The following XRCC4 variants were observed in gnomAD, a reference collection of about 807,000 sequenced individuals.
The protein encoded by XRCC4 is DNA repair protein XRCC4.
In XRCC4, 28 loss-of-function variants were observed where a neutral mutation model predicts 39.1. The ratio of observed to expected loss-of-function variants is 0.72; its 90% CI spans 0.53 to 0.98. XRCC4 has a LOEUF of 0.98. XRCC4 is among the 50% of genes least tolerant of loss of function. XRCC4 has a pLI of 0.00. For synonymous variants in XRCC4, 123 were observed against 126.4 expected, an observed-to-expected ratio of 0.97 and a Z score of 0.18; for missense variants, 350 against 376.4, an observed-to-expected ratio of 0.93 and a Z score of 0.58.
chr5:83,211,534 C>T (rs1340340403), intron 6 of XRCC4, among the ~76,000 whole-genome samples: 1 of 152,146 alleles, frequency 6.6e-6, no homozygotes, highest in African/African-American at 2.4e-5. Flanking sequence ...TTTTACAGTT[C>T]TGGCCTAACC....
intron 3 of XRCC4, among the ~76,000 whole-genome samples, chr5:83,135,276 C>T (rs1747838270): frequency 6.6e-6 from 1 of 152,122 alleles, no homozygotes; most frequent in Non-Finnish European, 1.5e-5. Flanking sequence ...ATTGGAAATG[C>T]AGAAATCACC....
At chr5:83,243,189 C>T (rs1752978955) in intron 6 of XRCC4, among the ~76,000 whole-genome samples, 1 of 152,106 alleles carries the variant, frequency 6.6e-6, no homozygotes, top group Non-Finnish European at 1.5e-5. Flanking sequence ...GAAGTGATGA[C>T]ATCAAGTTAG....
the XRCC4 span, among the ~76,000 whole-genome samples, chr5:83,361,589 G>T: frequency 6.6e-6 from 1 of 151,010 alleles, no homozygotes; most frequent in Non-Finnish European, 1.5e-5. Flanking sequence ...ATTTATATTT[G>T]ATTTTTACCA....
chr5:83,318,137 T>C (rs1198951242), intron 7 of XRCC4, among the ~76,000 whole-genome samples: 4 of 145,992 alleles, frequency 2.7e-5, no homozygotes, highest in African/African-American at 1.1e-4. Flanking sequence ...AGAAAAAGCC[T>C]TTGACAAAAT....
In XRCC4 at chr5:83,315,869, G is replaced by A. The variant is rs183387715; in HGVS notation, c.894-37262G>A. Among the ~76,000 whole-genome samples the A allele has an allele frequency of 8.5e-5, 13 of 152,212 alleles. No homozygotes were observed. In the East Asian group the frequency reaches 1.9e-3, roughly 23 times the overall value. ...GCTAACACAACATTCATTTTGCAGC[G>A]ATAGATGAATGAGTAATTTTGACTT... On this transcript the variant is annotated intron_variant, in intron 7 of 7. Coordinates refer to ENST00000396027, the MANE Select transcript of XRCC4 (RefSeq NM_003401.5).
chr5:83,264,843 A>G (rs1753898996), intron 7 of XRCC4, among the ~76,000 whole-genome samples: 1 of 152,172 alleles, frequency 6.6e-6, no homozygotes, highest in Non-Finnish European at 1.5e-5. Context: ...GTAATACTTT[A>G]TATATAGAGA....
intron 4 of XRCC4, among the ~76,000 whole-genome samples, chr5:83,201,041 T>C (rs1320007619): frequency 6.6e-6 from 1 of 152,204 alleles, no homozygotes; most frequent in African/African-American, 2.4e-5. Flanking sequence ...TACTGTTAGA[T>C]TGATATTATT....
intron 7 of XRCC4, among the ~76,000 whole-genome samples, chr5:83,343,901 G>A (rs1246700427): frequency 1.3e-5 from 2 of 151,894 alleles, no homozygotes; most frequent in African/African-American, 4.8e-5. Context: ...TATCCTTCAG[G>A]CACTCAGACT....
At chr5:83,093,479 G>A (rs1490779037) in intron 1 of XRCC4, among the ~76,000 whole-genome samples, 7 of 152,146 alleles carry the variant, frequency 4.6e-5, no homozygotes, top group African/African-American at 7.2e-5. Flanking sequence ...CATATACAGA[G>A]TATTCCATCT....
intron 7 of XRCC4, among the ~76,000 whole-genome samples, chr5:83,349,986 C>T (rs1757032069): frequency 1.3e-5 from 2 of 152,136 alleles, no homozygotes; most frequent in South Asian, 4.1e-4. Context: ...CAATGTTTAG[C>T]TCTCACTTAT....
chr5:83,148,504 C>T lies in XRCC4; in HGVS notation c.315+37301C>T, dbSNP rs1212403544. On this transcript the variant is annotated intron_variant, in intron 3 of 7. Coordinates refer to ENST00000396027, the MANE Select transcript of XRCC4 (RefSeq NM_003401.5). ...GGTGGACTTTTCTGGGAGAGTTATT[C>T]TTTGAGTACTCTGAGATTACTTCCA... Among the ~76,000 whole-genome samples, 3 of 152,098 alleles carry T rather than the reference C, an allele frequency of 2.0e-5. No individual in the cohort carries two copies. In the East Asian group the frequency reaches 5.8e-4, roughly 29 times the overall value.
In XRCC4 at chr5:83,166,937, G is replaced by A. The variant is rs1290241010; in HGVS notation, c.316-28833G>A. 5.3e-5 allele frequency among the ~76,000 whole-genome samples: 8 copies of A among 151,324 alleles called. No individual in the cohort carries two copies. The South Asian group carries it at 6.3e-4, about 12-fold the overall frequency. ...CACTCTGTCACCCAGACTGGGGTGCGGTGACACAGTCTTGGCTCACTGCAG... is the reference window on the plus strand; with the variant it reads ...CACTCTGTCACCCAGACTGGGGTGCAGTGACACAGTCTTGGCTCACTGCAG... On this transcript the variant is annotated intron_variant, in intron 3 of 7. Coordinates refer to ENST00000396027, the MANE Select transcript of XRCC4 (RefSeq NM_003401.5).
chr5:83,267,433 T>C (rs963486424), intron 7 of XRCC4, among the ~76,000 whole-genome samples: 1 of 152,176 alleles, frequency 6.6e-6, no homozygotes, highest in East Asian at 1.9e-4. Context: ...ATTCCCAGCC[T>C]CACTAGCAGT....
At chr5:83,125,392 T>C (rs1747209521) in intron 3 of XRCC4, among the ~76,000 whole-genome samples, 1 of 152,240 alleles carries the variant, frequency 6.6e-6, no homozygotes, top group African/African-American at 2.4e-5. Context: ...ATATGGTTTC[T>C]TTTAAAGGTT....
At chr5:83,297,548 T>G (rs1755137462) in intron 7 of XRCC4, among the ~76,000 whole-genome samples, 1 of 151,948 alleles carries the variant, frequency 6.6e-6, no homozygotes, top group Non-Finnish European at 1.5e-5. Flanking sequence ...GCTATTAATA[T>G]CAGTTAACAG....
rs1757141814 is a variant in XRCC4 at position 83,353,355 on chromosome 5, A to G, written c.*113A>G. Reference sequence around the variant, plus strand: ...CGCTATTACCGTATCTTACAATTTAATTACATACACAGTGAATTGAAACCA... The same window carrying G: ...CGCTATTACCGTATCTTACAATTTAGTTACATACACAGTGAATTGAAACCA... On this transcript the variant is annotated 3_prime_UTR_variant, in exon 8 of 8. Transcript: ENST00000396027. 1 of 803,654 alleles carries G rather than the reference A, an allele frequency of 1.2e-6. No individual in the cohort carries two copies. The highest frequency in any genetic ancestry group is 2.7e-5 in the Admixed American group (1 of 37,042). The allele number at this position is 803,654 out of a possible 1,614,324, so 49.8% of individuals were successfully genotyped here. A position where few individuals can be genotyped will look rare whatever the true frequency, so the allele number is the denominator to read the frequency against.
intron 7 of XRCC4, among the ~76,000 whole-genome samples, chr5:83,272,136 A>C (rs1754164451): frequency 6.6e-6 from 1 of 152,210 alleles, no homozygotes; most frequent in African/African-American, 2.4e-5. Context: ...AATTCTATTT[A>C]ACTCGAAGAC....
the XRCC4 span, among the ~76,000 whole-genome samples, chr5:83,373,325 G>A: frequency 7.2e-5 from 11 of 152,026 alleles, no homozygotes; most frequent in Non-Finnish European, 1.6e-4. Flanking sequence ...TGTTTCAAAT[G>A]CCTTTGTTTT....
At chr5:83,289,380 A>G (rs1290780270) in intron 7 of XRCC4, among the ~76,000 whole-genome samples, 2 of 151,930 alleles carry the variant, frequency 1.3e-5, no homozygotes, top group Non-Finnish European at 2.9e-5. Context: ...ACTGAAGAGA[A>G]TAGACTTTTA....
Sources: allele counts gnomAD v4.1 joint callset (sites outside exome capture counted in the v4.1 genomes callset), GRCh38; gene constraint gnomAD v4.1.1; transcripts MANE v1.5; gene names NCBI Gene and HGNC (gene_info 2026-07-23, HGNC 2026-07-21).